MARCHF1: variants seen among roughly 807,000 people sequenced by gnomAD.
The protein encoded by MARCHF1 is E3 ubiquitin-protein ligase MARCHF1.
A neutral mutation model predicts 54.2 loss-of-function variants in MARCHF1; 40 were observed. The ratio of observed to expected loss-of-function variants is 0.74; its 90% CI spans 0.57 to 0.96. The LOEUF (loss-of-function observed/expected upper bound fraction) is 0.96. Among genes scored for constraint, MARCHF1 ranks in the 40% least tolerant of loss-of-function variants. MARCHF1 has a pLI of 0.00. For missense variants in MARCHF1, 586 were observed against 656.5 expected (o/e 0.89, Z 1.17); for synonymous variants, 236 against 236.3 (o/e 1.00, Z 0.01).
At chr4:163,859,237 C>T (rs1440607596) in intron 3 of MARCHF1, among the ~76,000 whole-genome samples, 1 of 152,094 alleles carries the variant, frequency 6.6e-6, no homozygotes, top group African/African-American at 2.4e-5. Context: ...AAACCACTAA[C>T]CTTTCTATGA....
At chr4:164,363,499 C>A (rs1346181620) in intron 1 of MARCHF1, among the ~76,000 whole-genome samples, 1 of 152,040 alleles carries the variant, frequency 6.6e-6, no homozygotes, top group Non-Finnish European at 1.5e-5. Context: ...AGAACAGAGG[C>A]CACTAGAGAT....
At position 163,723,356 on chromosome 4, in the gene MARCHF1, C is replaced by T. The variant is rs1745541275; in HGVS notation, c.112-22493G>A. 2.6e-5 allele frequency among the ~76,000 whole-genome samples: 4 copies of T among 152,220 alleles called. No individual in the cohort carries two copies. The South Asian group carries it at 8.3e-4, about 32-fold the overall frequency. The stretch of plus-strand genomic sequence containing the variant: ...TAAAAATGTTGAATATTGGCCCCCA[C>T]TCTCTTCTGGCTTGTAGAGTTTCTG... On this transcript the variant is annotated intron_variant, in intron 4 of 9. Transcript: ENST00000514618.
At chr4:163,989,372 G>A (rs1196028760) in intron 2 of MARCHF1, among the ~76,000 whole-genome samples, 1 of 152,162 alleles carries the variant, frequency 6.6e-6, no homozygotes, top group African/African-American at 2.4e-5. Context: ...TGTAAAGAGA[G>A]TTAACCATTC....
At chr4:164,325,183 A>T (rs1735241050) in intron 1 of MARCHF1, among the ~76,000 whole-genome samples, 1 of 151,798 alleles carries the variant, frequency 6.6e-6, no homozygotes, top group East Asian at 1.9e-4. Context: ...AATCAAAGAT[A>T]CAGGTAATAA....
At chr4:164,108,621 T>C (rs17044486) in intron 2 of MARCHF1, among the ~76,000 whole-genome samples, 21,099 of 152,028 alleles carry the variant, frequency 0.14, 2,340 homozygotes, top group African/African-American at 0.32. Flanking sequence ...CTTCTATTCC[T>C]CACAGTTTTT....
At chr4:164,274,905 T>C (rs1733838610) in intron 1 of MARCHF1, among the ~76,000 whole-genome samples, 1 of 151,114 alleles carries the variant, frequency 6.6e-6, no homozygotes, top group South Asian at 2.1e-4. Flanking sequence ...CTCGATCTCC[T>C]GACCTCGTGA....
intron 2 of MARCHF1, among the ~76,000 whole-genome samples, chr4:164,109,121 TG>T (rs559248956): frequency 3.0e-4 from 45 of 152,208 alleles, no homozygotes; most frequent in African/African-American, 1.0e-3. Context: ...CTCCTCTGTA[TG>T]GTTCCAGAAA....
At chr4:164,091,103 C>T (rs1239384060) in intron 2 of MARCHF1, among the ~76,000 whole-genome samples, 1 of 152,016 alleles carries the variant, frequency 6.6e-6, no homozygotes, top group East Asian at 1.9e-4. Flanking sequence ...GAAATAAGGT[C>T]ACACCAAATG....
intron 4 of MARCHF1, among the ~76,000 whole-genome samples, chr4:163,794,679 G>A (rs1747862220): frequency 6.6e-6 from 1 of 152,024 alleles, no homozygotes; most frequent in South Asian, 2.1e-4. Context: ...ATGTTAAAAT[G>A]TATTTTATTG....
chr4:164,099,370 T>C (rs1024266293), intron 2 of MARCHF1, among the ~76,000 whole-genome samples: 1 of 152,236 alleles, frequency 6.6e-6, no homozygotes, highest in Non-Finnish European at 1.5e-5. Flanking sequence ...AAAAATACTA[T>C]GTCTGTCTAT....
At chr4:163,531,989 CTT>C (rs758609912) in intron 9 of MARCHF1, among the ~76,000 whole-genome samples, 2 of 151,908 alleles carry the variant, frequency 1.3e-5, no homozygotes, top group East Asian at 1.9e-4. Context: ...GATAGGGAGA[CTT>C]AATATTATAT....
chr4:164,054,438 G>T (rs1017934688), intron 2 of MARCHF1, among the ~76,000 whole-genome samples: 93 of 152,004 alleles, frequency 6.1e-4, no homozygotes, highest in Non-Finnish European at 1.3e-3. Context: ...TATACCCAAA[G>T]GACTATAAAT....
At chr4:163,750,283 G>A (rs529542723) in intron 4 of MARCHF1, among the ~76,000 whole-genome samples, 148 of 151,984 alleles carry the variant, frequency 9.7e-4, no homozygotes, top group African/African-American at 1.6e-3. Flanking sequence ...AGGCCGAGGC[G>A]GGCGGATCAT....
chr4:163,934,924 G>A (rs952006433), intron 3 of MARCHF1, among the ~76,000 whole-genome samples: 1 of 152,096 alleles, frequency 6.6e-6, no homozygotes, highest in South Asian at 2.1e-4. Flanking sequence ...CTTTCCAGAG[G>A]TTTTCAATTT....
intron 5 of MARCHF1, among the ~76,000 whole-genome samples, chr4:163,636,018 G>C (rs1446532555): frequency 6.6e-6 from 1 of 152,118 alleles, no homozygotes; most frequent in African/African-American, 2.4e-5. Flanking sequence ...AATAGATGCA[G>C]AAAAGGCCTT....
At chr4:164,145,050 G>T (rs892653485) in intron 1 of MARCHF1, among the ~76,000 whole-genome samples, 10 of 141,616 alleles carry the variant, frequency 7.1e-5, no homozygotes, top group African/African-American at 2.7e-4. Flanking sequence ...ACACCTCTAC[G>T]CAAATAAACT....
intron 4 of MARCHF1, among the ~76,000 whole-genome samples, chr4:163,844,540 T>TA (rs945509549): frequency 2.0e-5 from 3 of 151,954 alleles, no homozygotes; most frequent in Admixed American, 6.6e-5. Flanking sequence ...ATTGTGTCTT[T>TA]AAAAAAAACC....
At chr4:163,986,946 A>T (rs1383742584) in intron 3 of MARCHF1, among the ~76,000 whole-genome samples, 1 of 152,192 alleles carries the variant, frequency 6.6e-6, no homozygotes, top group African/African-American at 2.4e-5. Flanking sequence ...TACCAAACAA[A>T]TTTGCCACCC....
intron 1 of MARCHF1, among the ~76,000 whole-genome samples, chr4:164,337,260 C>T (rs1050783504): frequency 3.9e-5 from 6 of 152,024 alleles, no homozygotes; most frequent in Admixed American, 3.3e-4. Context: ...TTTGGGTGTC[C>T]CCCAAAGAAG....
Sources: gnomAD v4.1 joint callset for allele counts (sites outside exome capture counted in the v4.1 genomes callset) on GRCh38, gnomAD v4.1.1 for gene constraint, MANE v1.5 for transcripts, NCBI Gene and HGNC (gene_info 2026-07-23, HGNC 2026-07-21) for gene names.